SIPA1L1: variants seen among roughly 807,000 people sequenced by gnomAD.
The protein encoded by SIPA1L1 is signal-induced proliferation-associated 1-like protein 1.
SIPA1L1 carries 26 observed loss-of-function variants against 162.7 expected under a neutral mutation model. The observed-to-expected ratio is 0.16, with a 90% CI of 0.12 to 0.22. The LOEUF (loss-of-function observed/expected upper bound fraction) is 0.22, where lower values mean the gene tolerates loss of function less well. SIPA1L1 is among the 10% of genes least tolerant of loss of function. The pLI is 1.00. For missense variants in SIPA1L1, 1,874 were observed against 2,241.0 expected (o/e 0.84, Z 3.31); for synonymous variants, 829 against 837.4 (o/e 0.99, Z 0.17).
chr14:71,420,356 G>A (rs1400975648), intron 2 of SIPA1L1, among the ~76,000 whole-genome samples: 1 of 152,140 alleles, frequency 6.6e-6, no homozygotes, highest in East Asian at 1.9e-4. Context: ...CATGAAGGTG[G>A]CATTATTCGA....
At chr14:71,614,886 G>A (rs538977184) in intron 5 of SIPA1L1, among the ~76,000 whole-genome samples, 1 of 151,980 alleles carries the variant, frequency 6.6e-6, no homozygotes, top group Admixed American at 6.6e-5. Context: ...TTGTCTACCA[G>A]TAATACTAAA....
chr14:71,601,083 C>G (rs148808581), intron 5 of SIPA1L1, among the ~76,000 whole-genome samples: 208 of 152,156 alleles, frequency 1.4e-3, no homozygotes, highest in Non-Finnish European at 2.5e-3. Flanking sequence ...ATTTAGATGC[C>G]TTTTCTTTCT....
chr14:71,560,955 T>C (rs2056740177), intron 4 of SIPA1L1, among the ~76,000 whole-genome samples: 1 of 152,232 alleles, frequency 6.6e-6, no homozygotes, highest in African/African-American at 2.4e-5. Context: ...TACTGTGTTT[T>C]AGAGACTTCC....
chr14:71,471,651 A>T (rs528980744), intron 2 of SIPA1L1, among the ~76,000 whole-genome samples: 1 of 152,348 alleles, frequency 6.6e-6, no homozygotes, highest in Admixed American at 6.5e-5. Flanking sequence ...TGGAGTTACA[A>T]ATGGGAAAGC....
Position 71,613,796 on chromosome 14 carries a change from A to T in SIPA1L1, c.1499-4961A>T, listed in dbSNP as rs921473043. On this transcript the variant is annotated intron_variant, in intron 5 of 23. Transcript: ENST00000381232. ...AGCAAACAATGGAAGTCGATGGCTG[A>T]TAGGAAAACAAATTTAAAGTGCTAC... Among the ~76,000 whole-genome samples the T allele has an allele frequency of 4.6e-5, 7 of 152,224 alleles. 1 individual carries two copies. In the South Asian group the frequency reaches 1.0e-3, roughly 23 times the overall value.
chr14:71,650,487 T>C lies in SIPA1L1; in HGVS notation c.1971T>C (p.Tyr657=). The C allele has an allele frequency of 6.2e-7, 1 of 1,614,112 alleles. No individual in the cohort carries two copies. Among genetic ancestry groups the C allele is most frequent in the South Asian group, 1.1e-5 (1 of 91,078 alleles). ...ERVRLKGFEK[Y]RAQLDTKTDS... The stretch of plus-strand genomic sequence containing the variant: ...TTCGGCTCAAAGGATTTGAGAAGTA[T>C]CGAGCACAGCTTGATACCAAAAGTA... The change falls in exon 8 of 24, where the codon TAT becomes TAC. Residue 657 remains tyrosine, a synonymous_variant. Transcript: ENST00000381232.
chr14:71,539,484 G>C (rs2145700364), intron 4 of SIPA1L1, among the ~76,000 whole-genome samples: 1 of 152,282 alleles, frequency 6.6e-6, no homozygotes, highest in East Asian at 1.9e-4. Flanking sequence ...TGAGTTGCTG[G>C]TATTTCATAA....
At chr14:71,358,689 T>G (rs2037512079) in intron 2 of SIPA1L1, among the ~76,000 whole-genome samples, 1 of 152,180 alleles carries the variant, frequency 6.6e-6, no homozygotes, top group South Asian at 2.1e-4. Flanking sequence ...CTGGGTAATT[T>G]ATAAAGAAAG....
chr14:71,531,901 G>A (rs922010713), intron 4 of SIPA1L1, among the ~76,000 whole-genome samples: 1 of 152,128 alleles, frequency 6.6e-6, no homozygotes, highest in African/African-American at 2.4e-5. Context: ...TGCTTGGAAT[G>A]TTGCCTCCAT....
chr14:71,320,918 G>GCCCCCGCCGGC (rs2032701649), intron 1 of SIPA1L1, among the ~76,000 whole-genome samples: 1 of 151,732 alleles, frequency 6.6e-6, no homozygotes, highest in African/African-American at 2.4e-5. Context: ...CGGGAGCTCG[G>GCCCCCGCCGGC]CCCCCGCCGG....
chr14:71,336,842 C>A (rs956557951), intron 2 of SIPA1L1, among the ~76,000 whole-genome samples: 9 of 152,184 alleles, frequency 5.9e-5, no homozygotes, highest in Non-Finnish European at 8.8e-5. Flanking sequence ...CTTTCTTTTA[C>A]TTTTGCTCTG....
chr14:71,628,406 AATAAGATAATAACT>A (rs1224399715), intron 7 of SIPA1L1, among the ~76,000 whole-genome samples: 3 of 152,250 alleles, frequency 2.0e-5, no homozygotes, highest in African/African-American at 4.8e-5. Context: ...AGCTGTTGAT[AATAAGATAATAACT>A]TGTTAGTAGC....
At chr14:71,726,820 T>C (rs1478897486) in intron 19 of SIPA1L1, among the ~76,000 whole-genome samples, 1 of 152,134 alleles carries the variant, frequency 6.6e-6, no homozygotes, top group East Asian at 1.9e-4. Context: ...CTGAGAGTCG[T>C]CATCTGAATG....
At chr14:71,411,489 TTC>T (rs1321683624) in intron 2 of SIPA1L1, among the ~76,000 whole-genome samples, 2 of 152,202 alleles carry the variant, frequency 1.3e-5, no homozygotes, top group African/African-American at 4.8e-5. Flanking sequence ...CCCAGTTGTC[TTC>T]TCTCTGTAGT....
intron 2 of SIPA1L1, among the ~76,000 whole-genome samples, chr14:71,361,769 G>A (rs1407467524): frequency 6.6e-6 from 1 of 152,126 alleles, no homozygotes; most frequent in Non-Finnish European, 1.5e-5. Context: ...CATCACCATT[G>A]GAAGCAGCTG....
chr14:71,367,910 T>A (rs1331735199), intron 2 of SIPA1L1, among the ~76,000 whole-genome samples: 3 of 117,816 alleles, frequency 2.5e-5, no homozygotes, highest in Non-Finnish European at 5.2e-5. Context: ...CCGGCCTTCC[T>A]TTTTTTTTTT....
intron 2 of SIPA1L1, chr14:71,467,150 C>T (rs1044554622): frequency 6.6e-6 from 1 of 152,120 alleles, no homozygotes; most frequent in Non-Finnish European, 1.5e-5. Flanking sequence ...TAATTACTGT[C>T]GCTGGGGAGT....
At chr14:71,726,887 A>T (rs2084289522) in intron 19 of SIPA1L1, among the ~76,000 whole-genome samples, 1 of 151,976 alleles carries the variant, frequency 6.6e-6, no homozygotes, top group Admixed American at 6.6e-5. Flanking sequence ...CTTCCAGGCC[A>T]CTCCTGGCTC....
At chr14:71,674,567 T>TC (rs2044894121) in intron 12 of SIPA1L1, among the ~76,000 whole-genome samples, 1 of 150,068 alleles carries the variant, frequency 6.7e-6, no homozygotes, top group African/African-American at 2.5e-5. Flanking sequence ...TTTGTTTTTT[T>TC]TTGTTTTTTT....
Sources: allele counts gnomAD v4.1 joint callset (sites outside exome capture counted in the v4.1 genomes callset), GRCh38; gene constraint gnomAD v4.1.1; transcripts MANE v1.5; gene names NCBI Gene and HGNC (gene_info 2026-07-23, HGNC 2026-07-21).